The following CCNE2 variants were observed in gnomAD, a reference collection of about 807,000 sequenced individuals.
CCNE2 encodes the protein G1/S-specific cyclin-E2.
In CCNE2, 18 loss-of-function variants were observed where a neutral mutation model predicts 56.8. That is an observed-to-expected ratio of 0.32 (90% CI 0.22 to 0.47). The LOEUF (loss-of-function observed/expected upper bound fraction) is 0.47. Among genes scored for constraint, CCNE2 ranks in the 20% least tolerant of loss-of-function variants. The probability of loss-of-function intolerance (pLI) is 1.00; values close to 1 mark genes in which losing one functional copy is unlikely to be tolerated. For synonymous variants in CCNE2, 139 were observed against 149.2 expected (o/e 0.93, Z 0.50); for missense variants, 371 against 467.1 (o/e 0.79, Z 1.90).
intron 7 of CCNE2, among the ~76,000 whole-genome samples, chr8:94,885,910 G>A (rs1293684144): frequency 1.3e-5 from 2 of 151,298 alleles, no homozygotes; most frequent in East Asian, 3.9e-4. Context: ...GGAGAGAGAG[G>A]GTTTCACCAT....
intron 1 of CCNE2, 57 bp downstream of exon 1, chr8:94,895,120 C>A (rs1203593393): frequency 1.4e-5 from 13 of 943,002 alleles, no homozygotes; most frequent in Non-Finnish European, 1.6e-5. Flanking sequence ...GGTAAGTGAT[C>A]GGCCCAACTG....
chr8:94,882,533 T>C (rs1347877264), intron 10 of CCNE2, among the ~76,000 whole-genome samples: 4 of 152,210 alleles, frequency 2.6e-5, no homozygotes, highest in Non-Finnish European at 5.9e-5. Context: ...AATGGTCAAA[T>C]CCCAAAGAAC....
At chr8:94,891,943 A>G in intron 5 of CCNE2, 1 of 1,153,254 alleles carries the variant, frequency 8.7e-7, no homozygotes, top group African/African-American at 1.5e-5. Context: ...ACGGACCTAC[A>G]GAGCTCATGG....
At position 94,888,137 on chromosome 8, in the gene CCNE2, C is replaced by G. The variant is rs1390746548; in HGVS notation, c.454-64G>C. 5.1e-6 allele frequency: 6 copies of G among 1,169,362 alleles called. No individual in the cohort carries two copies. The Admixed American group carries it at 8.1e-5, about 16-fold the overall frequency. 72.4% of individuals were successfully genotyped at this position (1,169,362 alleles called of 1,614,324 possible). On this transcript the variant is annotated intron_variant, in intron 6 of 11. Transcript: ENST00000308108. The stretch of plus-strand genomic sequence containing the variant: ...ATTTCTCCAAATTAGAAAGTCATCT[C>G]TTAGCATATCAGACTTTAAAATATG...
intron 7 of CCNE2, among the ~76,000 whole-genome samples, chr8:94,886,891 T>C (rs1245688545): frequency 6.6e-6 from 1 of 152,184 alleles, no homozygotes; most frequent in African/African-American, 2.4e-5. Context: ...GGCTAAAAGA[T>C]CAGGATTTCA....
intron 5 of CCNE2, chr8:94,891,850 A>T: frequency 1.0e-5 from 16 of 1,525,072 alleles, no homozygotes; most frequent in Non-Finnish European, 1.3e-5. Context: ...AAATGCAGAG[A>T]GTAATGCTGA....
At chr8:94,884,161 C>T (rs1278976699) in intron 9 of CCNE2, among the ~76,000 whole-genome samples, 1 of 152,130 alleles carries the variant, frequency 6.6e-6, no homozygotes, top group Non-Finnish European at 1.5e-5. Context: ...GATTTAAGCA[C>T]CACTGCCCAC....
chr8:94,890,650 C>T (rs201219516), intron 5 of CCNE2, 100 bp from the exon 6 acceptor site: 3,991 of 283,386 alleles, frequency 0.014, 69 homozygotes, highest in African/African-American at 0.024. Context: ...TAGAGTGCAG[C>T]GGCACAATCT....
intron 9 of CCNE2, among the ~76,000 whole-genome samples, chr8:94,883,193 G>T (rs1449220603): frequency 6.6e-6 from 1 of 151,822 alleles, no homozygotes; most frequent in Admixed American, 6.6e-5. Context: ...GGAGAATGGC[G>T]TGAACCCGGG....
rs1034273067 is a variant in CCNE2, at chr8:94,885,405, T to TA, written c.696+57dup. On this transcript the variant is annotated intron_variant, in intron 8 of 11. Coordinates refer to ENST00000308108, the MANE Select transcript of CCNE2 (RefSeq NM_057749.3). ...TATTTGAGATTCAATTATAACTACTTATGTTACTTAGTAACATGGTTTCTT... is the reference window on the plus strand; with the variant it reads ...TATTTGAGATTCAATTATAACTACTTAATGTTACTTAGTAACATGGTTTCTT... 8 of 1,137,516 alleles carry TA rather than the reference T, an allele frequency of 7.0e-6. No homozygotes were observed. The African/African-American group carries it at 1.3e-4, about 18-fold the overall frequency. 70.5% of individuals were successfully genotyped at this position (1,137,516 alleles called of 1,614,324 possible).
chr8:94,881,734 A>G lies in CCNE2; in HGVS notation c.1113T>C (p.Asn371=). Reference sequence around the variant, plus strand: ...CCCCTTTTCTGAAGGTGTTTATGTAATTTACTTCCTCCTATACATGGGAAG... The same window carrying G: ...CCCCTTTTCTGAAGGTGTTTATGTAGTTTACTTCCTCCTATACATGGGAAG... The part of the protein sequence containing the change: ...TNYLAMLEEV[N]YINTFRKGGQ... The change falls in exon 12 of 12, where the codon AAT becomes AAC. Residue 371 remains asparagine (N), a synonymous_variant. Coordinates refer to ENST00000308108, the MANE Select transcript of CCNE2 (RefSeq NM_057749.3). The G allele has an allele frequency of 1.9e-6, 3 of 1,613,790 alleles. No homozygotes were observed. Among genetic ancestry groups the G allele is most frequent in the Non-Finnish European group, 2.5e-6 (3 of 1,179,830 alleles).
chr8:94,886,250 TA>T (rs1239607340), intron 7 of CCNE2, among the ~76,000 whole-genome samples: 1 of 152,178 alleles, frequency 6.6e-6, no homozygotes, highest in Non-Finnish European at 1.5e-5. Flanking sequence ...CAAAGGAAGA[TA>T]TTTTCATATC....
At chr8:94,883,254 C>T (rs1448987201) in intron 9 of CCNE2, among the ~76,000 whole-genome samples, 7 of 148,224 alleles carry the variant, frequency 4.7e-5, no homozygotes, top group Non-Finnish European at 8.9e-5. Flanking sequence ...CCAGCCTGGG[C>T]GAAAGAGCGA....
At chr8:94,891,076 T>A (rs1437232410) in intron 5 of CCNE2, among the ~76,000 whole-genome samples, 1 of 152,160 alleles carries the variant, frequency 6.6e-6, no homozygotes, top group African/African-American at 2.4e-5. Context: ...CATGAATAAA[T>A]AGAAGCCTGA....
rs768103433 is a variant in CCNE2 at position 94,880,249 on chromosome 8, T to TTAAC, written c.*1379_*1382dup. ...TTTACTTTTAAGCAGTTAAATTTTT[T>TTAAC]TAACTTTTATTTTTTAAACAATGGG... On this transcript the variant is annotated 3_prime_UTR_variant, in exon 12 of 12. Transcript: ENST00000308108. 4 of 1,417,104 alleles carry TTAAC rather than the reference T, an allele frequency of 2.8e-6. No individual in the cohort carries two copies. In the East Asian group the frequency reaches 7.0e-5, roughly 25 times the overall value. 87.8% of individuals were successfully genotyped at this position (1,417,104 alleles called of 1,614,324 possible). A position where few individuals can be genotyped will look rare whatever the true frequency, so the allele number is the denominator to read the frequency against.
In CCNE2 at chr8:94,893,955, G is replaced by T; in HGVS notation, c.112-11C>A. On this transcript the variant is annotated splice_polypyrimidine_tract_variant and intron_variant, in intron 3 of 11. Transcript: ENST00000308108. ...TCTTTTTTTGACATCCTGGAAAATA[G>T]AAAAGACCATTGGTAAACTAAAGTC... is the stretch of plus-strand genomic sequence containing the variant. 1.9e-6 allele frequency: 3 copies of T among 1,613,134 alleles called. No individual in the cohort carries two copies. Among genetic ancestry groups the T allele is most frequent in the Non-Finnish European group, 2.5e-6 (3 of 1,179,626 alleles).
rs28739585 is a variant in CCNE2, at chr8:94,884,409, C to T, written c.831+658G>A. On this transcript the variant is annotated intron_variant, in intron 9 of 11. Transcript: ENST00000308108. Reference sequence around the variant, plus strand: ...TTGCTCAGGCTGGAGTGCAGTAGTGCGATCTCGGCTCACTGCAACCTCCAC... The same window carrying T: ...TTGCTCAGGCTGGAGTGCAGTAGTGTGATCTCGGCTCACTGCAACCTCCAC... Among the ~76,000 whole-genome samples the T allele has an allele frequency of 4.1e-3, 623 of 150,314 alleles. 5 individuals are homozygous for T. Among genetic ancestry groups the T allele is most frequent in the African/African-American group, 0.014 (587 of 40,786 alleles).
chr8:94,883,852 G>A (rs766514961), intron 9 of CCNE2: 2 of 455,782 alleles, frequency 4.4e-6, no homozygotes, highest in South Asian at 1.5e-5. Context: ...GAAGATACTT[G>A]TGCAGTGGAA....
chr8:94,888,554 T>G (rs1223894910), intron 6 of CCNE2, among the ~76,000 whole-genome samples: 1 of 152,080 alleles, frequency 6.6e-6, no homozygotes, highest in African/African-American at 2.4e-5. Context: ...TTTTTTTTTT[T>G]TGACAGGGTC....
Sources: allele counts gnomAD v4.1 joint callset (sites outside exome capture counted in the v4.1 genomes callset), GRCh38; gene constraint gnomAD v4.1.1; transcripts MANE v1.5; gene names NCBI Gene and HGNC (gene_info 2026-07-23, HGNC 2026-07-21).